The following THRB variants were observed in gnomAD, a reference collection of about 807,000 sequenced individuals.
THRB encodes the protein nuclear receptor subfamily 1 group A member 2.
THRB carries 12 observed loss-of-function variants against 47.8 expected under a neutral mutation model. That is an observed-to-expected ratio of 0.25 (90% CI 0.16 to 0.41). THRB has a LOEUF of 0.41. Ranked by LOEUF, THRB falls within the 10% of genes least tolerant of loss-of-function variation. THRB has a pLI of 1.00. For synonymous variants in THRB, 218 were observed against 212.2 expected, an observed-to-expected ratio of 1.03 and a Z score of -0.24; for missense variants, 348 against 589.2, an observed-to-expected ratio of 0.59 and a Z score of 4.24.
At chr3:24,216,910 T>C (rs1228361293) in intron 4 of THRB, among the ~76,000 whole-genome samples, 2 of 152,010 alleles carry the variant, frequency 1.3e-5, no homozygotes, top group African/African-American at 2.4e-5. Context: ...TTCATTTACA[T>C]AGAAATCTTT....
At chr3:24,209,727 T>C (rs372686841) in intron 4 of THRB, among the ~76,000 whole-genome samples, 3 of 152,064 alleles carry the variant, frequency 2.0e-5, no homozygotes, top group Non-Finnish European at 4.4e-5. Context: ...CTAATGTAAA[T>C]GACGTGTTAA....
intron 1 of THRB, among the ~76,000 whole-genome samples, chr3:24,453,065 A>G (rs989477297): frequency 2.0e-5 from 3 of 152,076 alleles, no homozygotes; most frequent in African/African-American, 7.2e-5. Context: ...AGTTTCCTCC[A>G]TCTCAGGCAC....
rs367802935 is a variant in THRB at position 24,404,524 on chromosome 3, G to A, written c.-260-67153C>T. Among the ~76,000 whole-genome samples the A allele has an allele frequency of 4.6e-5, 7 of 151,998 alleles. No homozygotes were observed. The South Asian group carries it at 6.2e-4, about 14-fold the overall frequency. The stretch of plus-strand genomic sequence containing the variant: ...GAAAGCAAAATGAGAATAGATATGA[G>A]AATTCAGTTGACTTCTATTAGGCCA... On this transcript the variant is annotated intron_variant, in intron 1 of 10. Coordinates refer to ENST00000646209, the MANE Select transcript of THRB (RefSeq NM_001354712.2).
chr3:24,132,787 A>T (rs2034073120), intron 9 of THRB, among the ~76,000 whole-genome samples: 1 of 152,256 alleles, frequency 6.6e-6, no homozygotes, highest in South Asian at 2.1e-4. Context: ...TATGAGGGGC[A>T]TTTAACTTAT....
chr3:24,167,625 T>C (rs546585038), intron 5 of THRB, among the ~76,000 whole-genome samples: 2 of 152,304 alleles, frequency 1.3e-5, no homozygotes, highest in South Asian at 4.1e-4. Flanking sequence ...GTTTTCTTTT[T>C]TGGCAAATGC....
At chr3:24,204,200 G>A (rs964614661) in intron 4 of THRB, among the ~76,000 whole-genome samples, 14 of 152,242 alleles carry the variant, frequency 9.2e-5, no homozygotes, top group African/African-American at 2.9e-4. Context: ...CAGACAGACT[G>A]CCTCCTCAAG....
rs2074204210 is a variant in THRB, at chr3:24,466,951, G to T, written c.-261+27701C>A. ...TGCATCAATTAACTCTTTCTTTCAT[G>T]AAATGTTTCTCTGTAGTGTATGATG... On this transcript the variant is annotated intron_variant, in intron 1 of 10. Transcript: ENST00000646209. Among the ~76,000 whole-genome samples, 2 of 152,142 alleles carry T rather than the reference G, an allele frequency of 1.3e-5. 1 individual carries two copies. Among genetic ancestry groups the T allele is most frequent in the South Asian group, 4.1e-4 (2 of 4,830 alleles).
intron 1 of THRB, among the ~76,000 whole-genome samples, chr3:24,415,146 A>T (rs1476642670): frequency 6.6e-6 from 1 of 151,802 alleles, no homozygotes; most frequent in Non-Finnish European, 1.5e-5. Flanking sequence ...TAAAAGATTC[A>T]GGTTTGGTAA....
intron 1 of THRB, among the ~76,000 whole-genome samples, chr3:24,456,883 TTCTA>T (rs1418009093): frequency 3.9e-5 from 6 of 152,156 alleles, no homozygotes; most frequent in African/African-American, 7.2e-5. Flanking sequence ...TGAACTGTGA[TTCTA>T]TCTAATTTCT....
intron 2 of THRB, among the ~76,000 whole-genome samples, chr3:24,305,678 T>C (rs1457262311): frequency 2.0e-5 from 3 of 152,230 alleles, no homozygotes; most frequent in Non-Finnish European, 4.4e-5. Context: ...TAAAGAGTTA[T>C]GTGAGCTTCA....
At chr3:24,200,799 A>C (rs114071046) in intron 4 of THRB, among the ~76,000 whole-genome samples, 1 of 152,306 alleles carries the variant, frequency 6.6e-6, no homozygotes, top group South Asian at 2.1e-4. Context: ...ATGCACAGCT[A>C]TCTTCTTGGT....
At chr3:24,244,652 A>G (rs1377564236) in intron 3 of THRB, among the ~76,000 whole-genome samples, 2 of 152,178 alleles carry the variant, frequency 1.3e-5, no homozygotes, top group Non-Finnish European at 1.5e-5. Flanking sequence ...ATGCCAAGGA[A>G]AACTCCAGGC....
intron 3 of THRB, among the ~76,000 whole-genome samples, chr3:24,280,840 A>T (rs1156473638): frequency 6.6e-6 from 1 of 152,260 alleles, no homozygotes; most frequent in East Asian, 1.9e-4. Context: ...GGTATCAGTG[A>T]TGGAAGATGA....
intron 3 of THRB, among the ~76,000 whole-genome samples, chr3:24,249,398 A>T (rs1184053714): frequency 6.6e-6 from 1 of 152,166 alleles, no homozygotes. Flanking sequence ...TAAGGTGATA[A>T]TTATTTTAAA....
chr3:24,482,323 A>G (rs1336655955), intron 1 of THRB, among the ~76,000 whole-genome samples: 2 of 152,220 alleles, frequency 1.3e-5, no homozygotes, highest in Non-Finnish European at 2.9e-5. Context: ...TGTGAAGTAA[A>G]TACCAACATT....
At chr3:24,204,780 A>G (rs574751055) in intron 4 of THRB, among the ~76,000 whole-genome samples, 9 of 152,362 alleles carry the variant, frequency 5.9e-5, no homozygotes, top group Non-Finnish European at 1.2e-4. Context: ...ATGGCTAACT[A>G]CAATTACCAG....
At chr3:24,147,554 T>C (rs183352149) in intron 6 of THRB, among the ~76,000 whole-genome samples, 1 of 152,344 alleles carries the variant, frequency 6.6e-6, no homozygotes, top group East Asian at 1.9e-4. Flanking sequence ...TCTTAAGGCA[T>C]GAGAGAGCAC....
At chr3:24,175,914 G>A (rs2041090049) in intron 5 of THRB, among the ~76,000 whole-genome samples, 1 of 152,080 alleles carries the variant, frequency 6.6e-6, no homozygotes, top group Non-Finnish European at 1.5e-5. Context: ...GGTTAGTATT[G>A]AAATTTAGGC....
At chr3:24,350,587 A>C (rs536519893) in intron 1 of THRB, among the ~76,000 whole-genome samples, 1 of 152,314 alleles carries the variant, frequency 6.6e-6, no homozygotes, top group South Asian at 2.1e-4. Flanking sequence ...CATTATATAC[A>C]GTTCAAAACT....
Sources: gnomAD v4.1 joint callset for allele counts (sites outside exome capture counted in the v4.1 genomes callset) on GRCh38, gnomAD v4.1.1 for gene constraint, MANE v1.5 for transcripts, NCBI Gene and HGNC (gene_info 2026-07-23, HGNC 2026-07-21) for gene names.